Variants in FSD1L observed in about 807,000 individuals in gnomAD.
FSD1L encodes fibronectin type III and SPRY domain containing 1 like.
Under a neutral mutation model 71.6 loss-of-function variants are expected in FSD1L, and 45 were observed. That is an observed-to-expected ratio of 0.63 (90% CI 0.49 to 0.81). FSD1L has a LOEUF of 0.81. FSD1L is among the 30% of genes least tolerant of loss of function. FSD1L has a pLI of 0.00. For missense variants in FSD1L, 561 were observed against 618.1 expected, an observed-to-expected ratio of 0.91 and a Z score of 0.98; for synonymous variants, 197 against 207.2, an observed-to-expected ratio of 0.95 and a Z score of 0.42.
intron 1 of FSD1L, among the ~76,000 whole-genome samples, chr9:105,448,970 G>C (rs933310532): frequency 6.6e-6 from 1 of 152,150 alleles, no homozygotes; most frequent in African/African-American, 2.4e-5. Flanking sequence ...CCAATGTCTT[G>C]AATACAGTTA....
intron 4 of FSD1L, among the ~76,000 whole-genome samples, chr9:105,471,358 A>G (rs887937544): frequency 6.6e-6 from 1 of 152,048 alleles, no homozygotes; most frequent in Admixed American, 6.6e-5. Flanking sequence ...CTGCTTGAAT[A>G]TATGTGGACA....
chr9:105,452,255 C>A (rs1331741574), intron 1 of FSD1L, among the ~76,000 whole-genome samples: 4 of 152,202 alleles, frequency 2.6e-5, no homozygotes, highest in Non-Finnish European at 5.9e-5. Context: ...ACCAACTGTT[C>A]CATGTTCCAA....
intron 3 of FSD1L, among the ~76,000 whole-genome samples, chr9:105,467,088 G>A (rs1039054799): frequency 1.3e-5 from 2 of 152,170 alleles, no homozygotes; most frequent in Non-Finnish European, 2.9e-5. Context: ...ATAAGGTCAT[G>A]CTGTTACTGA....
intron 6 of FSD1L, 42 bp downstream of exon 6, chr9:105,479,418 A>T (rs1283001955): frequency 6.8e-7 from 1 of 1,463,984 alleles, no homozygotes; most frequent in Admixed American, 2.1e-5. Context: ...TAAATATTGA[A>T]GTCAGAAATG....
chr9:105,472,235 G>C (rs1411475367), intron 5 of FSD1L: 2 of 430,528 alleles, frequency 4.6e-6, no homozygotes, highest in African/African-American at 4.1e-5. Context: ...CTGTGTTTCT[G>C]TCTATGAGCT....
Position 105,524,121 on chromosome 9 carries a change from C to T in FSD1L, c.1026-10372C>T, listed in dbSNP as rs116201267. 2,666 of 1,612,158 alleles carry T rather than the reference C, an allele frequency of 1.7e-3. 43 individuals carry two copies. The African/African-American group carries it at 0.032, about 19-fold the overall frequency. ...AAGAGATGAGCCCTCTGGTCCTGCA[C>T]GATGTGTAGCACTTTGTAGTTTAGG... On this transcript the variant is annotated intron_variant, in intron 10 of 13. Coordinates refer to ENST00000481272, the MANE Select transcript of FSD1L (RefSeq NM_001145313.3).
At chr9:105,493,851 A>G (rs1833142690) in intron 7 of FSD1L, among the ~76,000 whole-genome samples, 1 of 152,148 alleles carries the variant, frequency 6.6e-6, no homozygotes, top group African/African-American at 2.4e-5. Flanking sequence ...TGGTTTGTAG[A>G]GTTTCTGCCG....
At chr9:105,527,705 C>CA (rs35520921) in intron 10 of FSD1L, among the ~76,000 whole-genome samples, 18,599 of 136,460 alleles carry the variant, frequency 0.14, 1,477 homozygotes, top group African/African-American at 0.24. Flanking sequence ...ATATTCTTAT[C>CA]AAAAAAAAAA....
At chr9:105,479,608 A>G (rs1832037476) in intron 6 of FSD1L, among the ~76,000 whole-genome samples, 1 of 152,250 alleles carries the variant, frequency 6.6e-6, no homozygotes, top group Non-Finnish European at 1.5e-5. Context: ...TTTCTGGTGT[A>G]GAAATATAGT....
rs1342401088 is a variant in FSD1L, at chr9:105,523,007, A to G, written c.1025+10071A>G. ...ATTCGGATTCTTTCAGCGCTTTCCA[A>G]TATGATGGCCAAAAATTTGACAATT... On this transcript the variant is annotated intron_variant, in intron 10 of 13. Coordinates refer to ENST00000481272, the MANE Select transcript of FSD1L (RefSeq NM_001145313.3). The G allele has an allele frequency of 2.5e-6, 4 of 1,614,010 alleles. No individual in the cohort carries two copies. The Admixed American group carries it at 5.0e-5, about 20-fold the overall frequency.
At chr9:105,503,173 C>T (rs1262432295) in intron 7 of FSD1L, among the ~76,000 whole-genome samples, 1 of 152,032 alleles carries the variant, frequency 6.6e-6, no homozygotes. Context: ...CAGGCATGAG[C>T]CACTATGCCC....
At chr9:105,468,149 T>C (rs1265762480) in intron 3 of FSD1L, 44 bp from the exon 4 acceptor site, 2 of 1,318,850 alleles carry the variant, frequency 1.5e-6, no homozygotes, top group Non-Finnish European at 1.9e-6. Context: ...TTTAAATGTT[T>C]GATAGCGCTT....
intron 9 of FSD1L, among the ~76,000 whole-genome samples, chr9:105,509,292 A>G (rs1434568151): frequency 1.3e-5 from 2 of 152,222 alleles, no homozygotes; most frequent in African/African-American, 2.4e-5. Context: ...TAGTTTGGAA[A>G]GGTGTGAATA....
At chr9:105,488,377 G>C (rs542704672) in intron 7 of FSD1L, among the ~76,000 whole-genome samples, 1 of 152,010 alleles carries the variant, frequency 6.6e-6, no homozygotes, top group East Asian at 1.9e-4. Flanking sequence ...TTTTAGTATG[G>C]AATAATAGTC....
At chr9:105,489,774 T>G (rs993311420) in intron 7 of FSD1L, among the ~76,000 whole-genome samples, 1 of 152,152 alleles carries the variant, frequency 6.6e-6, no homozygotes, top group Non-Finnish European at 1.5e-5. Flanking sequence ...TTTGTTCTTG[T>G]GATAGTTTAC....
chr9:105,486,827 A>G (rs1832580961), intron 7 of FSD1L, among the ~76,000 whole-genome samples: 1 of 152,172 alleles, frequency 6.6e-6, no homozygotes, highest in Non-Finnish European at 1.5e-5. Context: ...AGTACAAAAG[A>G]GTATAAAGTA....
At chr9:105,471,449 A>T (rs1043150967) in intron 4 of FSD1L, among the ~76,000 whole-genome samples, 3 of 152,106 alleles carry the variant, frequency 2.0e-5, no homozygotes, top group African/African-American at 7.2e-5. Flanking sequence ...TGTTAGATAA[A>T]ATTGAATTGC....
At chr9:105,545,926 G>A (rs1836970265) in intron 13 of FSD1L, among the ~76,000 whole-genome samples, 1 of 152,056 alleles carries the variant, frequency 6.6e-6, no homozygotes, top group Non-Finnish European at 1.5e-5. Context: ...GGATTTTACT[G>A]TTAACTGAGG....
At position 105,549,012 on chromosome 9, in the gene FSD1L, T is replaced by G. The variant is rs1282526637; in HGVS notation, c.*2529T>G. 1 of 152,092 alleles carries G rather than the reference T, an allele frequency of 6.6e-6. No individual in the cohort carries two copies. The highest frequency in any genetic ancestry group is 2.4e-5 in the African/African-American group (1 of 41,462). The allele number at this position is 152,092 out of a possible 1,614,324, so 9.4% of individuals were successfully genotyped here. ...GGTAACTATTAACTTGATTATACTA[T>G]ATAATATTCTCAATTACATTTGAAT... On this transcript the variant is annotated 3_prime_UTR_variant, in exon 14 of 14. Transcript: ENST00000481272.
Sources: gnomAD v4.1 joint callset for allele counts (sites outside exome capture counted in the v4.1 genomes callset) on GRCh38, gnomAD v4.1.1 for gene constraint, MANE v1.5 for transcripts, NCBI Gene and HGNC (gene_info 2026-07-23, HGNC 2026-07-21) for gene names.